The following PARP8 variants were observed in gnomAD, a reference collection of about 807,000 sequenced individuals.
PARP8 encodes protein mono-ADP-ribosyltransferase PARP8.
In PARP8, 51 loss-of-function variants were observed where a neutral mutation model predicts 124.1. The ratio of observed to expected loss-of-function variants is 0.41; its 90% CI spans 0.33 to 0.52. PARP8 has a LOEUF of 0.52. Among genes scored for constraint, PARP8 ranks in the 20% least tolerant of loss-of-function variants. PARP8 has a pLI of 0.21. For missense variants in PARP8, 860 were observed against 1,018.9 expected (o/e 0.84, Z 2.12); for synonymous variants, 391 against 361.5 (o/e 1.08, Z -0.93).
intron 14 of PARP8, among the ~76,000 whole-genome samples, chr5:50,806,008 C>A (rs537686910): frequency 6.6e-6 from 1 of 152,068 alleles, no homozygotes; most frequent in South Asian, 2.1e-4. Flanking sequence ...TGATATTGAT[C>A]TATTGCTTGT....
chr5:50,731,845 A>T (rs1359333019), intron 2 of PARP8, among the ~76,000 whole-genome samples: 1 of 152,208 alleles, frequency 6.6e-6, no homozygotes, highest in Non-Finnish European at 1.5e-5. Flanking sequence ...AATTTGCTCC[A>T]AACATATTTA....
chr5:50,827,490 A>G (rs1195519142), intron 19 of PARP8, among the ~76,000 whole-genome samples: 1 of 152,194 alleles, frequency 6.6e-6, no homozygotes, highest in Non-Finnish European at 1.5e-5. Context: ...TTATAAATAT[A>G]TGCAAATAAA....
At position 50,797,516 on chromosome 5, in the gene PARP8, T is replaced by G. The variant is rs1580375061; in HGVS notation, c.1575+283T>G. On this transcript the variant is annotated intron_variant, in intron 14 of 25. Coordinates refer to ENST00000281631, the MANE Select transcript of PARP8 (RefSeq NM_024615.4). Reference sequence around the variant, plus strand: ...TATATCAACGTTAAGCATCTTAAATTGTGGAATTTTGAAGAACCAGTGTTT... The same window carrying G: ...TATATCAACGTTAAGCATCTTAAATGGTGGAATTTTGAAGAACCAGTGTTT... Among the ~76,000 whole-genome samples, 4 of 152,338 alleles carry G rather than the reference T, an allele frequency of 2.6e-5. No homozygotes were observed. In the South Asian group the frequency reaches 8.3e-4, roughly 32 times the overall value.
chr5:50,704,318 A>G (rs946205663), intron 2 of PARP8, among the ~76,000 whole-genome samples: 1 of 152,152 alleles, frequency 6.6e-6, no homozygotes, highest in Non-Finnish European at 1.5e-5. Flanking sequence ...AAAAAAGGCC[A>G]CTTAACTATC....
At chr5:50,670,792 A>C (rs1391296551) in intron 2 of PARP8, among the ~76,000 whole-genome samples, 1 of 152,216 alleles carries the variant, frequency 6.6e-6, no homozygotes, top group Non-Finnish European at 1.5e-5. Flanking sequence ...CTTCTCCATT[A>C]GTGTTTTCAA....
chr5:50,777,080 G>A (rs1740116038), intron 7 of PARP8, among the ~76,000 whole-genome samples: 1 of 152,144 alleles, frequency 6.6e-6, no homozygotes, highest in African/African-American at 2.4e-5. Context: ...AACACAAAGT[G>A]CTAGTTTCTT....
intron 2 of PARP8, chr5:50,741,741 C>G: frequency 2.7e-6 from 1 of 375,126 alleles, no homozygotes; most frequent in Non-Finnish European, 5.1e-6. Context: ...GAGTCTTCAT[C>G]CTTTTACCTT....
intron 2 of PARP8, among the ~76,000 whole-genome samples, chr5:50,733,775 T>C (rs577212092): frequency 7.2e-5 from 11 of 152,298 alleles, no homozygotes; most frequent in Admixed American, 6.5e-5. Flanking sequence ...GGCTTCATTT[T>C]AGTATTTATT....
rs1004970118 is a variant in PARP8, at chr5:50,720,189, A to G, written c.147-29962A>G. On this transcript the variant is annotated intron_variant, in intron 2 of 25. Coordinates refer to ENST00000281631, the MANE Select transcript of PARP8 (RefSeq NM_024615.4). ...TTGCTTACATGAAAAGAGACATTTG[A>G]TTTATCACTGTCAAGATCTAACTCG... Among the ~76,000 whole-genome samples, 20 of 152,010 alleles carry G rather than the reference A, an allele frequency of 1.3e-4. 1 individual carries two copies. The highest frequency in any genetic ancestry group is 6.6e-5 in the Admixed American group (1 of 15,240).
At chr5:50,709,955 T>TATATATAC (rs149858890) in intron 2 of PARP8, among the ~76,000 whole-genome samples, 5 of 103,322 alleles carry the variant, frequency 4.8e-5, no homozygotes, top group African/African-American at 1.0e-4. Context: ...TATATATATA[T>TATATATAC]ACACATACAT....
intron 7 of PARP8, among the ~76,000 whole-genome samples, chr5:50,770,902 T>C (rs1480811731): frequency 2.6e-5 from 4 of 152,108 alleles, no homozygotes; most frequent in Non-Finnish European, 5.9e-5. Flanking sequence ...ACTTTCTGTA[T>C]ACTTTCATAC....
chr5:50,799,903 G>A (rs1187626881), intron 14 of PARP8, among the ~76,000 whole-genome samples: 1 of 152,096 alleles, frequency 6.6e-6, no homozygotes, highest in Non-Finnish European at 1.5e-5. Context: ...TCAGCAGATG[G>A]GCCCTCATCA....
At chr5:50,790,668 G>A (rs1459319215) in intron 10 of PARP8, among the ~76,000 whole-genome samples, 1 of 152,060 alleles carries the variant, frequency 6.6e-6, no homozygotes, top group Non-Finnish European at 1.5e-5. Context: ...ACATTACATA[G>A]GCTCAGCAAA....
intron 3 of PARP8, among the ~76,000 whole-genome samples, chr5:50,755,660 G>C (rs2149565823): frequency 6.6e-6 from 1 of 152,254 alleles, no homozygotes; most frequent in East Asian, 1.9e-4. Context: ...ACTTGGCAAT[G>C]CAGGCTGTTT....
At position 50,747,761 on chromosome 5, in the gene PARP8, C is replaced by CCTT. The variant is rs1758753413; in HGVS notation, c.147-2390_147-2389insCTT. ...TCTCTCAAAGATAGGATAGACCTTG[C>CCTT]TTTTTTTTTTTTTTTTTTTTTTTTT... On this transcript the variant is annotated intron_variant, in intron 2 of 25. Coordinates refer to ENST00000281631, the MANE Select transcript of PARP8 (RefSeq NM_024615.4). Among the ~76,000 whole-genome samples, 4 of 52,934 alleles carry CCTT rather than the reference C, an allele frequency of 7.6e-5. No individual in the cohort carries two copies. In the East Asian group the frequency reaches 1.6e-3, roughly 21 times the overall value. The allele number at this position is 52,934 out of a possible 152,430, so 34.7% of individuals were successfully genotyped here. A position where few individuals can be genotyped will look rare whatever the true frequency, so the allele number is the denominator to read the frequency against.
At position 50,814,155 on chromosome 5, in the gene PARP8, C is replaced by G. The variant is rs561989267; in HGVS notation, c.1576-1277C>G. Among the ~76,000 whole-genome samples the G allele has an allele frequency of 2.6e-4, 39 of 152,184 alleles. No homozygotes were observed. The South Asian group carries it at 7.0e-3, about 28-fold the overall frequency. ...TGAAGCACCAGAATAGCATTTGACA[C>G]TATCGTAAATATGCAGTAAGTGGTT... On this transcript the variant is annotated intron_variant, in intron 14 of 25. Coordinates refer to ENST00000281631, the MANE Select transcript of PARP8 (RefSeq NM_024615.4).
intron 2 of PARP8, among the ~76,000 whole-genome samples, chr5:50,697,317 A>G (rs1210529861): frequency 6.6e-6 from 1 of 152,186 alleles, no homozygotes; most frequent in Non-Finnish European, 1.5e-5. Context: ...CGGAATAAAA[A>G]ATTCTCAGGT....
chr5:50,754,148 T>TATATATATATATATATATATATAG (rs1554055387), intron 3 of PARP8, among the ~76,000 whole-genome samples: 1 of 22,432 alleles, frequency 4.5e-5, no homozygotes, highest in Non-Finnish European at 9.6e-5. Context: ...TATATATATA[T>TATATATATATATATATATATATAG]ATACACACAC....
At chr5:50,675,358 G>A (rs1750495564) in intron 2 of PARP8, among the ~76,000 whole-genome samples, 1 of 152,204 alleles carries the variant, frequency 6.6e-6, no homozygotes, top group African/African-American at 2.4e-5. Flanking sequence ...AGGCTGGAGT[G>A]CAGTGGCCTG....
Sources: gnomAD v4.1 joint callset for allele counts (sites outside exome capture counted in the v4.1 genomes callset) on GRCh38, gnomAD v4.1.1 for gene constraint, MANE v1.5 for transcripts, NCBI Gene and HGNC (gene_info 2026-07-23, HGNC 2026-07-21) for gene names.